XYLT1: variants seen among roughly 807,000 people sequenced by gnomAD.
XYLT1 encodes beta-D-xylosyltransferase 1.
XYLT1 carries 36 observed loss-of-function variants against 91.3 expected under a neutral mutation model. That is an observed-to-expected ratio of 0.39 (90% confidence interval 0.30 to 0.52). XYLT1 has a LOEUF of 0.52. Ranked by LOEUF, XYLT1 falls within the 20% of genes least tolerant of loss-of-function variation. The pLI is 0.68. For missense variants in XYLT1, 1,242 were observed against 1,284.5 expected (o/e 0.97, Z 0.51); for synonymous variants, 588 against 532.0 (o/e 1.11, Z -1.45).
intron 7 of XYLT1, 47 bp downstream of exon 7, chr16:17,141,106 T>C (rs1403373812): frequency 6.3e-7 from 1 of 1,589,590 alleles, no homozygotes; most frequent in Admixed American, 1.7e-5. Flanking sequence ...CCACAAAGGC[T>C]AGAACAAGCC....
At chr16:17,427,771 T>C (rs895209420) in intron 1 of XYLT1, among the ~76,000 whole-genome samples, 3 of 152,234 alleles carry the variant, frequency 2.0e-5, no homozygotes, top group African/African-American at 2.4e-5. Context: ...ATTAGTTCAC[T>C]TTAAAATCAC....
At chr16:17,351,644 T>G (rs896223473) in intron 2 of XYLT1, among the ~76,000 whole-genome samples, 2 of 152,044 alleles carry the variant, frequency 1.3e-5, no homozygotes, top group Admixed American at 1.3e-4. Context: ...GAAGTTGCAA[T>G]TGTATGGCTG....
intron 2 of XYLT1, among the ~76,000 whole-genome samples, chr16:17,328,311 C>G (rs575314569): frequency 6.6e-6 from 1 of 151,960 alleles, no homozygotes; most frequent in Non-Finnish European, 1.5e-5. Flanking sequence ...CTTTGGGAGG[C>G]TGATGTGGGC....
intron 2 of XYLT1, among the ~76,000 whole-genome samples, chr16:17,274,424 A>G (rs1051308653): frequency 6.6e-6 from 1 of 152,148 alleles, no homozygotes; most frequent in Non-Finnish European, 1.5e-5. Context: ...TTCATTCCAC[A>G]TATGTTATTT....
intron 2 of XYLT1, among the ~76,000 whole-genome samples, chr16:17,320,683 T>C (rs1009966848): frequency 6.6e-6 from 1 of 151,572 alleles, no homozygotes; most frequent in South Asian, 2.1e-4. Flanking sequence ...GGTTTCACCA[T>C]GTTGGCCAGG....
chr16:17,382,613 C>G (rs2141884857), intron 1 of XYLT1, among the ~76,000 whole-genome samples: 1 of 151,966 alleles, frequency 6.6e-6, no homozygotes, highest in South Asian at 2.1e-4. Flanking sequence ...GCAACCAGCA[C>G]AGCACATGGG....
In XYLT1 at chr16:17,358,076, C is replaced by A. The variant is rs185487257; in HGVS notation, c.364-26G>T. On this transcript the variant is annotated intron_variant, in intron 1 of 11. Coordinates refer to ENST00000261381, the MANE Select transcript of XYLT1 (RefSeq NM_022166.4). ...CTGTAGGATGAAAGGAGAAAATGCACGTGAGGAGTGAAAAAAAGTTAACTT... is the reference window on the plus strand; with the variant it reads ...CTGTAGGATGAAAGGAGAAAATGCAAGTGAGGAGTGAAAAAAAGTTAACTT... The A allele has an allele frequency of 8.7e-6, 14 of 1,604,330 alleles. No homozygotes were observed. The Admixed American group carries it at 1.9e-4, about 22-fold the overall frequency.
intron 2 of XYLT1, among the ~76,000 whole-genome samples, chr16:17,337,775 C>CTT (rs71373106): frequency 0.31 from 34,346 of 112,494 alleles, 6,528 homozygotes; most frequent in Admixed American, 0.41. Flanking sequence ...CACATTTTTT[C>CTT]TTTTTCTTTT....
At chr16:17,310,845 T>A (rs897641297) in intron 2 of XYLT1, among the ~76,000 whole-genome samples, 7 of 151,984 alleles carry the variant, frequency 4.6e-5, no homozygotes, top group African/African-American at 1.7e-4. Context: ...CAAGACTCCA[T>A]CTCAAAAATA....
intron 1 of XYLT1, among the ~76,000 whole-genome samples, chr16:17,397,696 A>G (rs1203667406): frequency 6.6e-6 from 1 of 152,210 alleles, no homozygotes; most frequent in African/African-American, 2.4e-5. Flanking sequence ...AGGGATAGCC[A>G]TCTGGTGAAT....
At chr16:17,134,437 C>A in intron 9 of XYLT1, 36 bp downstream of exon 9, 1 of 1,608,636 alleles carries the variant, frequency 6.2e-7, no homozygotes, top group Non-Finnish European at 8.5e-7. Context: ...CCTCCTGCTT[C>A]TCAGCTCTCC....
chr16:17,332,494 G>C (rs1325728211), intron 2 of XYLT1, among the ~76,000 whole-genome samples: 1 of 151,830 alleles, frequency 6.6e-6, no homozygotes, highest in Non-Finnish European at 1.5e-5. Context: ...CCCGGGAAGC[G>C]GAGGTTGCAG....
At chr16:17,257,641 T>C (rs1417296074) in intron 3 of XYLT1, among the ~76,000 whole-genome samples, 4 of 152,050 alleles carry the variant, frequency 2.6e-5, no homozygotes, top group African/African-American at 9.7e-5. Context: ...CGTGGCTGGG[T>C]GATGGTACAT....
At chr16:17,432,269 CA>C (rs1361757085) in intron 1 of XYLT1, among the ~76,000 whole-genome samples, 1 of 152,196 alleles carries the variant, frequency 6.6e-6, no homozygotes, top group Non-Finnish European at 1.5e-5. Context: ...GACTTCTATG[CA>C]AATGCTCATA....
At chr16:17,241,057 C>G (rs1034794061) in intron 3 of XYLT1, among the ~76,000 whole-genome samples, 1 of 152,202 alleles carries the variant, frequency 6.6e-6, no homozygotes, top group African/African-American at 2.4e-5. Context: ...TCTGCCACCC[C>G]GGAGAGAAAC....
intron 1 of XYLT1, among the ~76,000 whole-genome samples, chr16:17,440,592 C>T (rs2036521166): frequency 6.6e-6 from 1 of 152,166 alleles, no homozygotes; most frequent in Non-Finnish European, 1.5e-5. Flanking sequence ...AACTGTGTGG[C>T]CTTGAAATAG....
At chr16:17,161,404 G>C (rs1029880093) in intron 5 of XYLT1, among the ~76,000 whole-genome samples, 1 of 152,036 alleles carries the variant, frequency 6.6e-6, no homozygotes, top group Non-Finnish European at 1.5e-5. Context: ...CTGATGGATT[G>C]TCTGGAAGGG....
At chr16:17,449,921 T>A (rs2036643304) in intron 1 of XYLT1, among the ~76,000 whole-genome samples, 1 of 152,262 alleles carries the variant, frequency 6.6e-6, no homozygotes. Context: ...AGGCAATTTC[T>A]GAAGGAAACA....
At chr16:17,384,824 CTT>C (rs760456070) in intron 1 of XYLT1, among the ~76,000 whole-genome samples, 1 of 151,924 alleles carries the variant, frequency 6.6e-6, no homozygotes, top group Non-Finnish European at 1.5e-5. Flanking sequence ...TCTGACTTCT[CTT>C]TGACAGCACC....
Sources: gnomAD v4.1 joint callset for allele counts (sites outside exome capture counted in the v4.1 genomes callset) on GRCh38, gnomAD v4.1.1 for gene constraint, MANE v1.5 for transcripts, NCBI Gene and HGNC (gene_info 2026-07-23, HGNC 2026-07-21) for gene names.